Variants in MED13L observed in about 807,000 individuals in gnomAD.
MED13L encodes mediator complex subunit 13L.
MED13L carries 7 observed loss-of-function variants against 220.9 expected under a neutral mutation model. The observed-to-expected ratio is 0.03, with a 90% CI of 0.02 to 0.06. The LOEUF (loss-of-function observed/expected upper bound fraction) is 0.06, where lower values mean the gene tolerates loss of function less well. Ranked by LOEUF, MED13L falls within the 10% of genes least tolerant of loss-of-function variation. The pLI is 1.00. For missense variants in MED13L, 1,965 were observed against 2,760.5 expected (o/e 0.71, Z 6.46); for synonymous variants, 1,011 against 1,015.2 (o/e 1.00, Z 0.08).
At chr12:116,222,876 C>T (rs1161815276) in intron 2 of MED13L, among the ~76,000 whole-genome samples, 1 of 152,168 alleles carries the variant, frequency 6.6e-6, no homozygotes, top group African/African-American at 2.4e-5. Context: ...ACACTAAAAA[C>T]TATTAAAGAT....
At chr12:116,061,972 C>T (rs983166181) in intron 4 of MED13L, among the ~76,000 whole-genome samples, 2 of 143,032 alleles carry the variant, frequency 1.4e-5, no homozygotes, top group Admixed American at 7.2e-5. Flanking sequence ...CACACCGCTG[C>T]ACTCCAGCCT....
chr12:116,006,315 T>G lies in MED13L; in HGVS notation c.2335A>C (p.Thr779Pro). 1 of 1,613,654 alleles carries G rather than the reference T, an allele frequency of 6.2e-7. No homozygotes were observed. Residue 779 changes from threonine (T) to proline (P), a missense_variant, in exon 12 of 31, where the codon ACT becomes CCT. By Grantham distance (38) the Thr-to-Pro change is conservative. This residue lies in a region of MED13L where 818 missense variants were observed against 1,041.2 expected (regional missense o/e 0.79). Transcript: ENST00000281928. ...KNAMSIFSSA[T>P]KTDVRQDNAA... ...TAATCATTGTACACACCTGTTTTAG[T>G]AGCAGAACTGAAAATAGACATGGCA...
intron 4 of MED13L, among the ~76,000 whole-genome samples, chr12:116,096,152 G>A (rs1459039286): frequency 2.6e-5 from 4 of 151,750 alleles, no homozygotes; most frequent in Admixed American, 6.6e-5. Flanking sequence ...TCAGGAGTTC[G>A]AGACCAGCCT....
intron 2 of MED13L, among the ~76,000 whole-genome samples, chr12:116,159,148 C>T (rs759423693): frequency 1.8e-4 from 28 of 152,190 alleles, no homozygotes; most frequent in Admixed American, 1.6e-3. Flanking sequence ...AGTTAAAGAT[C>T]GACAGTATTC....
Position 116,277,223 on chromosome 12 carries a change from G to A in MED13L, c.-92C>T. The A allele has an allele frequency of 4.4e-6, 3 of 683,742 alleles. No homozygotes were observed. The highest frequency in any genetic ancestry group is 5.4e-6 in the Non-Finnish European group (3 of 559,454). 42.4% of individuals were successfully genotyped at this position (683,742 alleles called of 1,614,324 possible). On this transcript the variant is annotated 5_prime_UTR_variant, in exon 1 of 31. Coordinates refer to ENST00000281928, the MANE Select transcript of MED13L (RefSeq NM_015335.5). ...CCGGGCGGCGGCGCCTCGCCGGGGA[G>A]CGCGGGGCGGCCGGGCCGCCGCCGC...
chr12:116,245,784 G>A (rs542087186), intron 1 of MED13L, among the ~76,000 whole-genome samples: 2 of 152,098 alleles, frequency 1.3e-5, no homozygotes, highest in African/African-American at 4.8e-5. Flanking sequence ...ATCCAAATAC[G>A]AGGAAGCTGA....
chr12:116,133,070 C>T (rs547375037), intron 2 of MED13L, among the ~76,000 whole-genome samples: 1 of 152,286 alleles, frequency 6.6e-6, no homozygotes, highest in East Asian at 1.9e-4. Flanking sequence ...GTTTGATTTA[C>T]TACTGATAAC....
chr12:116,134,351 A>G (rs11067920), intron 2 of MED13L, among the ~76,000 whole-genome samples: 1,849 of 152,320 alleles, frequency 0.012, 20 homozygotes, highest in Non-Finnish European at 0.02. Context: ...ACAAAAAGAT[A>G]CAGATTCAGT....
intron 2 of MED13L, among the ~76,000 whole-genome samples, chr12:116,157,855 G>A (rs1878564949): frequency 1.3e-5 from 2 of 152,150 alleles, no homozygotes; most frequent in Admixed American, 1.3e-4. Flanking sequence ...TCAATACTGA[G>A]CCCTTAGTGC....
At chr12:116,165,692 C>G (rs1427765833) in intron 2 of MED13L, among the ~76,000 whole-genome samples, 1 of 152,144 alleles carries the variant, frequency 6.6e-6, no homozygotes, top group East Asian at 1.9e-4. Flanking sequence ...AACAGAGTTT[C>G]ACCATTCCTG....
chr12:116,079,839 A>T (rs1180342945), intron 4 of MED13L, among the ~76,000 whole-genome samples: 1 of 152,148 alleles, frequency 6.6e-6, no homozygotes, highest in Non-Finnish European at 1.5e-5. Flanking sequence ...TATTGATAAG[A>T]ATCCACATAA....
intron 2 of MED13L, among the ~76,000 whole-genome samples, chr12:116,123,844 A>C (rs1245027074): frequency 1.3e-5 from 2 of 152,108 alleles, no homozygotes; most frequent in African/African-American, 4.8e-5. Context: ...CGTGACCGAG[A>C]GAACATGGAA....
At chr12:115,976,654 T>C (rs988584930) in intron 23 of MED13L, among the ~76,000 whole-genome samples, 12 of 152,092 alleles carry the variant, frequency 7.9e-5, no homozygotes, top group African/African-American at 2.9e-4. Context: ...TCTGTGTATA[T>C]AATTTTAAAA....
At chr12:116,195,986 A>T (rs1464309376) in intron 2 of MED13L, among the ~76,000 whole-genome samples, 1 of 152,116 alleles carries the variant, frequency 6.6e-6, no homozygotes, top group Non-Finnish European at 1.5e-5. Context: ...ATAATGAAGA[A>T]TTTAACTAGA....
In MED13L at chr12:116,029,716, T is replaced by A. The variant is rs114124213; in HGVS notation, c.480-7115A>T. On this transcript the variant is annotated intron_variant, in intron 4 of 30. Transcript: ENST00000281928. ...ATCATGAACATGTACACAGCCACAC[T>A]GGTATGCAATACAGCTCAGAAATAT... 9.7e-3 allele frequency among the ~76,000 whole-genome samples: 1,477 copies of A among 152,264 alleles called. 25 individuals carry two copies. Among genetic ancestry groups the A allele is most frequent in the African/African-American group, 0.034 (1,428 of 41,552 alleles).
At chr12:116,135,188 A>C (rs1876429415) in intron 2 of MED13L, among the ~76,000 whole-genome samples, 1 of 152,130 alleles carries the variant, frequency 6.6e-6, no homozygotes, top group Admixed American at 6.5e-5. Flanking sequence ...AACAAACAAA[A>C]AAGCAAGTGA....
intron 17 of MED13L, among the ~76,000 whole-genome samples, chr12:115,989,896 T>C (rs762733633): frequency 6.6e-6 from 1 of 152,228 alleles, no homozygotes; most frequent in Non-Finnish European, 1.5e-5. Context: ...TTCCTGCCAC[T>C]TTCTAATCCA....
At chr12:116,071,884 T>A (rs1189547031) in intron 4 of MED13L, among the ~76,000 whole-genome samples, 1 of 152,184 alleles carries the variant, frequency 6.6e-6, no homozygotes, top group Non-Finnish European at 1.5e-5. Flanking sequence ...CCCTTTCTGC[T>A]CCATATCCCT....
At chr12:116,073,420 ATGTTATATTAC>A (rs1415639023) in intron 4 of MED13L, among the ~76,000 whole-genome samples, 2 of 152,218 alleles carry the variant, frequency 1.3e-5, no homozygotes, top group African/African-American at 4.8e-5. Context: ...AATGGACTCA[ATGTTATATTAC>A]TGGTCTTAGG....
Sources: allele counts gnomAD v4.1 joint callset (sites outside exome capture counted in the v4.1 genomes callset), GRCh38; gene constraint gnomAD v4.1.1; regional missense constraint gnomAD v4.1.1; transcripts MANE v1.5; gene names NCBI Gene and HGNC (gene_info 2026-07-23, HGNC 2026-07-21).